The following CELF4 variants were observed in gnomAD, a reference collection of about 807,000 sequenced individuals.
CELF4 encodes the protein CUGBP Elav-like family member 4, also known as CUG-BP- and ETR-3-like factor 4.
Under a neutral mutation model 59.9 loss-of-function variants are expected in CELF4, and 18 were observed. The ratio of observed to expected loss-of-function variants is 0.30; its 90% CI spans 0.21 to 0.45. The LOEUF (loss-of-function observed/expected upper bound fraction) is 0.45, where lower values mean the gene tolerates loss of function less well. CELF4 is among the 20% of genes least tolerant of loss of function. The pLI, the probability that CELF4 is intolerant of heterozygous loss-of-function variation, is 1.00. For missense variants in CELF4, 456 were observed against 689.0 expected (o/e 0.66, Z 3.79); for synonymous variants, 261 against 267.1 (o/e 0.98, Z 0.22).
intron 1 of CELF4, among the ~76,000 whole-genome samples, chr18:37,533,214 T>C (rs1257941619): frequency 6.6e-6 from 1 of 152,238 alleles, no homozygotes; most frequent in Non-Finnish European, 1.5e-5. Context: ...AGTTTTCCTG[T>C]CTTGGTTCAC....
rs200170749 is a variant in CELF4 at position 37,565,525 on chromosome 18, G to A, written c.117C>T (p.Ser39=). The A allele has an allele frequency of 6.8e-6, 11 of 1,614,210 alleles. No individual in the cohort carries two copies. The East Asian group carries it at 2.2e-4, about 33-fold the overall frequency. ...SAGHMNGLSH[S]PGNPSTIPMK... ...TGGGAATGGTCGACGGGTTCCCCGGGCTGTGGCTTAATCCGTTCATGTGCC... is the reference window on the plus strand; with the variant it reads ...TGGGAATGGTCGACGGGTTCCCCGGACTGTGGCTTAATCCGTTCATGTGCC... Residue 39 remains serine (S), a synonymous_variant, in exon 1 of 13, where the codon AGC becomes AGT. Coordinates refer to ENST00000420428, the MANE Select transcript of CELF4 (RefSeq NM_020180.4).
intron 3 of CELF4, among the ~76,000 whole-genome samples, chr18:37,311,009 G>C (rs1158249856): frequency 6.6e-6 from 1 of 152,074 alleles, no homozygotes; most frequent in Non-Finnish European, 1.5e-5. Flanking sequence ...ACAGGCATGA[G>C]GCAGCTTTTA....
intron 2 of CELF4, among the ~76,000 whole-genome samples, chr18:37,330,508 T>A (rs2097501102): frequency 6.6e-6 from 1 of 152,218 alleles, no homozygotes; most frequent in Non-Finnish European, 1.5e-5. Context: ...ATTCAAGAAA[T>A]CTCATCTGTT....
intron 1 of CELF4, among the ~76,000 whole-genome samples, chr18:37,501,118 A>T (rs917748209): frequency 1.3e-5 from 2 of 152,208 alleles, no homozygotes; most frequent in African/African-American, 4.8e-5. Context: ...GGTGGCCGGG[A>T]TGCAGAACCA....
chr18:37,531,249 C>A (rs187747784), intron 1 of CELF4, among the ~76,000 whole-genome samples: 1 of 152,134 alleles, frequency 6.6e-6, no homozygotes, highest in Admixed American at 6.5e-5. Flanking sequence ...CTGGGGCCCC[C>A]CTCCAGCTAC....
At chr18:37,497,639 G>A (rs575265013) in intron 1 of CELF4, among the ~76,000 whole-genome samples, 5 of 143,270 alleles carry the variant, frequency 3.5e-5, no homozygotes, top group African/African-American at 1.0e-4. Context: ...ATGACAGAAC[G>A]AGACTCTGTC....
At chr18:37,281,773 T>G (rs1662919) in intron 3 of CELF4, among the ~76,000 whole-genome samples, 113,364 of 152,162 alleles carry the variant, frequency 0.75, 43,061 homozygotes, top group African/African-American at 0.9. Flanking sequence ...CCAGGCAGAG[T>G]CTGGAGCCCA....
At chr18:37,482,566 T>C (rs992378041) in intron 2 of CELF4, among the ~76,000 whole-genome samples, 1 of 152,192 alleles carries the variant, frequency 6.6e-6, no homozygotes, top group African/African-American at 2.4e-5. Flanking sequence ...CCAGGGATAC[T>C]GGGAATCACG....
chr18:37,499,223 T>C lies in CELF4; in HGVS notation c.287-13616A>G, dbSNP rs186505026. Among the ~76,000 whole-genome samples, 521 of 152,162 alleles carry C rather than the reference T, an allele frequency of 3.4e-3. 4 individuals carry two copies. Among genetic ancestry groups the C allele is most frequent in the African/African-American group, 0.011 (477 of 41,514 alleles). ...AGGATGCTGGTGTGTTTTGTTTCCC[T>C]TGTGTGTGTGTGTCTAAGATGCTAA... On this transcript the variant is annotated intron_variant, in intron 1 of 12. Coordinates refer to ENST00000420428, the MANE Select transcript of CELF4 (RefSeq NM_020180.4).
At chr18:37,255,425 C>T (rs2068633908) in intron 11 of CELF4, among the ~76,000 whole-genome samples, 1 of 151,750 alleles carries the variant, frequency 6.6e-6, no homozygotes, top group Non-Finnish European at 1.5e-5. Context: ...GCTCCTACAG[C>T]CGAACAAGCG....
intron 1 of CELF4, among the ~76,000 whole-genome samples, chr18:37,512,967 T>C (rs1237482364): frequency 1.3e-5 from 2 of 152,118 alleles, no homozygotes; most frequent in African/African-American, 4.8e-5. Flanking sequence ...AGCAGAGAGC[T>C]GGAGAATGGG....
intron 2 of CELF4, among the ~76,000 whole-genome samples, chr18:37,371,607 T>C (rs1478725489): frequency 6.6e-6 from 1 of 152,142 alleles, no homozygotes; most frequent in South Asian, 2.1e-4. Flanking sequence ...AGGCTCCTAG[T>C]GTAGGCTTTC....
chr18:37,397,123 C>A (rs1295918146), intron 2 of CELF4, among the ~76,000 whole-genome samples: 2 of 152,108 alleles, frequency 1.3e-5, no homozygotes, highest in Non-Finnish European at 2.9e-5. Context: ...CCCACAAACC[C>A]TCATGCCTCC....
At chr18:37,319,548 G>A (rs1425807973) in intron 3 of CELF4, among the ~76,000 whole-genome samples, 1 of 152,202 alleles carries the variant, frequency 6.6e-6, no homozygotes, top group Non-Finnish European at 1.5e-5. Context: ...GCCCTGCTGG[G>A]GCTGGAGGGC....
chr18:37,359,479 T>C (rs1363611701), intron 2 of CELF4, among the ~76,000 whole-genome samples: 1 of 152,204 alleles, frequency 6.6e-6, no homozygotes, highest in African/African-American at 2.4e-5. Context: ...ATAGCTGGGC[T>C]GCGCACCACC....
chr18:37,313,485 G>C lies in CELF4; in HGVS notation c.448+8318C>G, dbSNP rs1056801366. On this transcript the variant is annotated intron_variant, in intron 3 of 12. Coordinates refer to ENST00000420428, the MANE Select transcript of CELF4 (RefSeq NM_020180.4). ...GCACATCCAGTTCATCTGCACACTC[G>C]CTAAACTGCCTTCCTAGTGTGGGAG... 2.0e-5 allele frequency among the ~76,000 whole-genome samples: 3 copies of C among 152,094 alleles called. No homozygotes were observed. In the South Asian group the frequency reaches 6.2e-4, roughly 32 times the overall value.
At chr18:37,450,227 GT>G (rs2099759353) in intron 2 of CELF4, among the ~76,000 whole-genome samples, 1 of 152,088 alleles carries the variant, frequency 6.6e-6, no homozygotes. Flanking sequence ...ATGTATGTGT[GT>G]TATGTATGTG....
chr18:37,354,091 C>G (rs1002287252), intron 2 of CELF4, among the ~76,000 whole-genome samples: 7 of 152,042 alleles, frequency 4.6e-5, no homozygotes, highest in African/African-American at 1.4e-4. Flanking sequence ...AGGTCAGAGC[C>G]GGAGATGTGA....
intron 2 of CELF4, among the ~76,000 whole-genome samples, chr18:37,422,416 C>T (rs568432565): frequency 1.3e-5 from 2 of 152,334 alleles, no homozygotes; most frequent in East Asian, 3.9e-4. Flanking sequence ...GCTCCCCTCC[C>T]CCAGCACACT....
Sources: gnomAD v4.1 joint callset for allele counts (sites outside exome capture counted in the v4.1 genomes callset) on GRCh38, gnomAD v4.1.1 for gene constraint, MANE v1.5 for transcripts, NCBI Gene and HGNC (gene_info 2026-07-23, HGNC 2026-07-21) for gene names.